The following SHISA9 variants were observed in gnomAD, a reference collection of about 807,000 sequenced individuals.
The protein encoded by SHISA9 is protein shisa-9.
In SHISA9, 13 loss-of-function variants were observed where a neutral mutation model predicts 38.0. The observed-to-expected ratio is 0.34, with a 90% CI of 0.22 to 0.54. The LOEUF (loss-of-function observed/expected upper bound fraction) is 0.54, where lower values mean the gene tolerates loss of function less well. SHISA9 is among the 20% of genes least tolerant of loss of function. The pLI is 0.91. For synonymous variants in SHISA9, 275 were observed against 242.0 expected (o/e 1.14, Z -1.27); for missense variants, 538 against 575.8 (o/e 0.93, Z 0.67).
intron 2 of SHISA9, among the ~76,000 whole-genome samples, chr16:12,931,597 G>T (rs1168851645): frequency 2.0e-5 from 3 of 152,164 alleles, no homozygotes; most frequent in African/African-American, 7.2e-5. Context: ...CTGCATCCAT[G>T]TTGCCACAAA....
intron 2 of SHISA9, among the ~76,000 whole-genome samples, chr16:13,124,254 T>G (rs1201770319): frequency 6.6e-6 from 1 of 152,228 alleles, no homozygotes; most frequent in Non-Finnish European, 1.5e-5. Flanking sequence ...AAGGTTCCAC[T>G]GTGTGTTGAA....
chr16:13,043,752 C>A (rs2073158026), intron 2 of SHISA9, among the ~76,000 whole-genome samples: 1 of 146,448 alleles, frequency 6.8e-6, no homozygotes, highest in African/African-American at 2.7e-5. Flanking sequence ...GCCTAGAATG[C>A]CTTAATAGCT....
chr16:13,272,749 G>A, the SHISA9 span, among the ~76,000 whole-genome samples: 1 of 152,186 alleles, frequency 6.6e-6, no homozygotes, highest in East Asian at 1.9e-4. Context: ...GTTGGAAGAT[G>A]TACAACAGTT....
At chr16:13,556,500 C>G in the SHISA9 span, among the ~76,000 whole-genome samples, 1 of 151,612 alleles carries the variant, frequency 6.6e-6, no homozygotes, top group Admixed American at 6.6e-5. Flanking sequence ...CTCTACTAAA[C>G]AAAATACAAA....
the SHISA9 span, among the ~76,000 whole-genome samples, chr16:13,334,293 A>G: frequency 1.3e-5 from 2 of 152,176 alleles, no homozygotes; most frequent in African/African-American, 2.4e-5. Context: ...CTGGAGTTTG[A>G]GCCAGTGCTG....
At chr16:12,925,502 G>A (rs2071382947) in intron 2 of SHISA9, among the ~76,000 whole-genome samples, 1 of 143,942 alleles carries the variant, frequency 6.9e-6, no homozygotes, top group South Asian at 2.1e-4. Flanking sequence ...AACCCTTAAA[G>A]GGAAAAAAAT....
chr16:13,359,172 A>G, the SHISA9 span, among the ~76,000 whole-genome samples: 3 of 152,238 alleles, frequency 2.0e-5, no homozygotes, highest in African/African-American at 7.2e-5. Flanking sequence ...CAAAATTCCA[A>G]TAATTAGTAC....
At chr16:13,403,260 A>G in the SHISA9 span, among the ~76,000 whole-genome samples, 2 of 152,336 alleles carry the variant, frequency 1.3e-5, no homozygotes, top group South Asian at 2.1e-4. Flanking sequence ...CCCTATGTCT[A>G]TTTCCTCAGA....
intron 2 of SHISA9, among the ~76,000 whole-genome samples, chr16:13,094,690 C>T (rs934227740): frequency 2.0e-5 from 3 of 152,138 alleles, no homozygotes; most frequent in African/African-American, 7.2e-5. Flanking sequence ...TCTTCTAGAC[C>T]TGTCTCCTGA....
At chr16:13,308,612 A>C in the SHISA9 span, among the ~76,000 whole-genome samples, 3 of 152,280 alleles carry the variant, frequency 2.0e-5, no homozygotes, top group South Asian at 2.1e-4. Flanking sequence ...CTCCCACCAT[A>C]ACTCTTAGTA....
the SHISA9 span, among the ~76,000 whole-genome samples, chr16:13,279,138 C>T: frequency 4.6e-5 from 7 of 151,990 alleles, no homozygotes; most frequent in East Asian, 3.9e-4. Context: ...ATCTGGATTT[C>T]GTTTTTGACC....
chr16:13,131,629 T>C (rs1456100801), intron 2 of SHISA9, among the ~76,000 whole-genome samples: 4 of 146,106 alleles, frequency 2.7e-5, no homozygotes, highest in African/African-American at 1.1e-4. Context: ...TAAAAGTTGA[T>C]GGAAAAAAAA....
chr16:13,430,945 T>C, the SHISA9 span, among the ~76,000 whole-genome samples: 1 of 151,738 alleles, frequency 6.6e-6, no homozygotes, highest in South Asian at 2.1e-4. Context: ...GAAAGATGTA[T>C]ATTTTGAAAA....
the SHISA9 span, among the ~76,000 whole-genome samples, chr16:13,416,774 GGGAA>G: frequency 3.5e-4 from 16 of 45,496 alleles, no homozygotes; most frequent in Non-Finnish European, 5.9e-4. Context: ...AAGGAAGGAA[GGGAA>G]GGAAGGAAGG....
chr16:13,289,527 A>G, the SHISA9 span, among the ~76,000 whole-genome samples: 5 of 151,838 alleles, frequency 3.3e-5, no homozygotes, highest in East Asian at 9.6e-4. Flanking sequence ...AAAAGCAAAC[A>G]AACAAACAGA....
At chr16:13,064,560 T>C (rs1236575826) in intron 2 of SHISA9, among the ~76,000 whole-genome samples, 3 of 152,182 alleles carry the variant, frequency 2.0e-5, no homozygotes, top group Non-Finnish European at 4.4e-5. Context: ...TTTTGAATGA[T>C]ATAAGGATCA....
chr16:13,086,093 CA>C (rs1425439929), intron 2 of SHISA9, among the ~76,000 whole-genome samples: 1 of 152,074 alleles, frequency 6.6e-6, no homozygotes, highest in Non-Finnish European at 1.5e-5. Context: ...CACAGTGGCT[CA>C]CGCCTGTAAT....
At chr16:13,227,911 C>A (rs2051294909) in intron 4 of SHISA9, among the ~76,000 whole-genome samples, 2 of 152,186 alleles carry the variant, frequency 1.3e-5, no homozygotes, top group Non-Finnish European at 2.9e-5. Context: ...AGTAAGTTGC[C>A]TACCATAGAG....
intron 2 of SHISA9, among the ~76,000 whole-genome samples, chr16:12,951,220 C>CAA (rs1567350239): frequency 3.9e-5 from 3 of 77,684 alleles, no homozygotes; most frequent in African/African-American, 1.1e-4. Context: ...GACTCCTTCT[C>CAA]CAAAAAAAAA....
Sources: gnomAD v4.1 joint callset for allele counts (sites outside exome capture counted in the v4.1 genomes callset) on GRCh38, gnomAD v4.1.1 for gene constraint, MANE v1.5 for transcripts, NCBI Gene and HGNC (gene_info 2026-07-23, HGNC 2026-07-21) for gene names.